Variants in PCCA observed in about 807,000 individuals in gnomAD.
PCCA encodes propionyl-CoA carboxylase alpha chain, mitochondrial.
A neutral mutation model predicts 101.3 loss-of-function variants in PCCA; 74 were observed. That is an observed-to-expected ratio of 0.73 (90% confidence interval 0.61 to 0.89). PCCA has a LOEUF of 0.89. PCCA is among the 40% of genes least tolerant of loss of function. The pLI is 0.00. For synonymous variants in PCCA, 294 were observed against 313.6 expected (o/e 0.94, Z 0.66); for missense variants, 891 against 907.0 (o/e 0.98, Z 0.23).
intron 21 of PCCA, among the ~76,000 whole-genome samples, chr13:100,496,494 G>GT (rs1412527748): frequency 6.6e-6 from 1 of 152,000 alleles, no homozygotes; most frequent in Non-Finnish European, 1.5e-5. Flanking sequence ...TGGCAGGAAC[G>GT]TAACGGTGGT....
At chr13:100,159,112 G>A (rs1313582624) in intron 6 of PCCA, among the ~76,000 whole-genome samples, 3 of 24,810 alleles carry the variant, frequency 1.2e-4, no homozygotes, top group African/African-American at 4.2e-4. Context: ...TTTTTTTTTT[G>A]AGACATAGCC....
chr13:100,461,280 A>G (rs1304730088), intron 21 of PCCA, among the ~76,000 whole-genome samples: 1 of 152,186 alleles, frequency 6.6e-6, no homozygotes. Flanking sequence ...TTGTCATCTG[A>G]TATCATAGGA....
intron 15 of PCCA, 36 bp downstream of exon 15, chr13:100,307,296 T>C: frequency 7.4e-7 from 1 of 1,351,990 alleles, no homozygotes; most frequent in Non-Finnish European, 1.1e-6. Context: ...TTTGATTTCT[T>C]CGAAAAATCA....
At chr13:100,222,785 A>T (rs1468737075) in intron 7 of PCCA, among the ~76,000 whole-genome samples, 1 of 152,168 alleles carries the variant, frequency 6.6e-6, no homozygotes, top group Non-Finnish European at 1.5e-5. Context: ...TTCCCCAAGT[A>T]GTTTCCACCA....
chr13:100,449,199 C>A, intron 20 of PCCA, 53 bp from the exon 21 acceptor site: 1 of 1,137,440 alleles, frequency 8.8e-7, no homozygotes, highest in African/African-American at 1.5e-5. Context: ...GTGAACATTA[C>A]ATACAAGCTG....
intron 18 of PCCA, among the ~76,000 whole-genome samples, chr13:100,362,138 G>A (rs754138656): frequency 1.6e-4 from 25 of 151,860 alleles, no homozygotes; most frequent in Non-Finnish European, 3.1e-4. Context: ...AAAAGCCACA[G>A]TTTTTTTTGG....
chr13:100,474,354 G>A (rs2083252064), intron 21 of PCCA, among the ~76,000 whole-genome samples: 1 of 152,016 alleles, frequency 6.6e-6, no homozygotes, highest in African/African-American at 2.4e-5. Context: ...CACATTTTAT[G>A]TATTAGCCTT....
At chr13:100,478,844 G>A (rs1030774015) in intron 21 of PCCA, among the ~76,000 whole-genome samples, 1 of 152,144 alleles carries the variant, frequency 6.6e-6, no homozygotes, top group Non-Finnish European at 1.5e-5. Context: ...AAAGAATGGG[G>A]CTCCTCATAT....
chr13:100,251,001 A>G (rs1417269546), intron 8 of PCCA, among the ~76,000 whole-genome samples: 1 of 152,120 alleles, frequency 6.6e-6, no homozygotes, highest in Admixed American at 6.6e-5. Flanking sequence ...AGAGAGATAT[A>G]ATAGTATATA....
intron 4 of PCCA, among the ~76,000 whole-genome samples, chr13:100,113,695 CATCCTCTCCAG>C (rs1379117758): frequency 6.6e-6 from 1 of 151,632 alleles, no homozygotes; most frequent in Non-Finnish European, 1.5e-5. Context: ...TCTCCTGCCT[CATCCTCTCCAG>C]TAGCTGGGAT....
At chr13:100,157,197 A>G in intron 5 of PCCA, 90 bp from the exon 6 acceptor site, 1 of 833,616 alleles carries the variant, frequency 1.2e-6, no homozygotes, top group South Asian at 1.5e-5. Context: ...TTGAACAGTA[A>G]ATATTAATAC....
intron 21 of PCCA, among the ~76,000 whole-genome samples, chr13:100,474,440 TTCTCTC>T (rs58811683): frequency 5.1e-4 from 73 of 144,286 alleles, no homozygotes; most frequent in South Asian, 1.6e-3. Context: ...TATTTACTGT[TTCTCTC>T]TCTCTCTCTC....
rs1316778844 is a variant in PCCA, at chr13:100,530,111, ACTG to A, written c.2133_2135del (p.Cys712del). The A allele has an allele frequency of 2.5e-6, 4 of 1,613,900 alleles. No individual in the cohort carries two copies. The highest frequency in any genetic ancestry group is 1.3e-5 in the African/African-American group (1 of 74,922). On this transcript the variant is annotated inframe_deletion, in exon 24 of 24. Coordinates refer to ENST00000376285, the MANE Select transcript of PCCA (RefSeq NM_000282.4). The stretch of plus-strand genomic sequence containing the variant: ...TCAAAATTCAAGGTGAAATCTGTGC[ACTG>A]TCAAGCTGGAGACACAGTTGGAGAA...
intron 21 of PCCA, among the ~76,000 whole-genome samples, chr13:100,464,196 C>T (rs1423691999): frequency 6.6e-6 from 1 of 152,144 alleles, no homozygotes; most frequent in African/African-American, 2.4e-5. Context: ...TTACCACGAA[C>T]CACTGCCAGA....
chr13:100,409,254 A>T (rs1371370584), intron 19 of PCCA, among the ~76,000 whole-genome samples: 2 of 152,242 alleles, frequency 1.3e-5, no homozygotes, highest in African/African-American at 4.8e-5. Context: ...CTTAGGAGCC[A>T]CAGTGAAAGG....
At chr13:100,457,832 G>A (rs1295070519) in intron 21 of PCCA, among the ~76,000 whole-genome samples, 1 of 152,194 alleles carries the variant, frequency 6.6e-6, no homozygotes, top group African/African-American at 2.4e-5. Context: ...CTAAGAGCAA[G>A]TGTGAGCCCT....
intron 21 of PCCA, among the ~76,000 whole-genome samples, chr13:100,470,604 A>C (rs184519413): frequency 2.0e-5 from 3 of 152,280 alleles, no homozygotes; most frequent in African/African-American, 2.4e-5. Context: ...AAAGACTTGA[A>C]ATACACATAG....
intron 8 of PCCA, among the ~76,000 whole-genome samples, chr13:100,255,659 G>A (rs552542411): frequency 2.6e-5 from 4 of 152,126 alleles, no homozygotes; most frequent in Admixed American, 6.5e-5. Flanking sequence ...TTTAGATTGC[G>A]CTTTTTCACT....
chr13:100,470,643 T>C (rs539183673), intron 21 of PCCA, among the ~76,000 whole-genome samples: 64 of 152,172 alleles, frequency 4.2e-4, no homozygotes, highest in Admixed American at 7.9e-4. Context: ...AAATGTTCAC[T>C]TGTCTCTGCA....
Sources: allele counts gnomAD v4.1 joint callset (sites outside exome capture counted in the v4.1 genomes callset), GRCh38; gene constraint gnomAD v4.1.1; transcripts MANE v1.5; gene names NCBI Gene and HGNC (gene_info 2026-07-23, HGNC 2026-07-21).